The following VWC2L variants were observed in gnomAD, a reference collection of about 807,000 sequenced individuals.
The protein encoded by VWC2L is von Willebrand factor C domain-containing protein 2-like.
VWC2L carries 10 observed loss-of-function variants against 21.6 expected under a neutral mutation model. The observed-to-expected ratio is 0.46, with a 90% CI of 0.29 to 0.78. The LOEUF is 0.78. VWC2L is among the 30% of genes least tolerant of loss of function. VWC2L has a pLI of 0.10. For synonymous variants in VWC2L, 96 were observed against 94.3 expected (o/e 1.02, Z -0.10); for missense variants, 209 against 277.1 (o/e 0.75, Z 1.74).
intron 3 of VWC2L, among the ~76,000 whole-genome samples, chr2:214,442,104 GT>G (rs921354306): frequency 1.3e-5 from 2 of 151,972 alleles, no homozygotes; most frequent in African/African-American, 4.8e-5. Flanking sequence ...TAGAGACGGG[GT>G]TTCACTGTGT....
chr2:214,452,843 T>G (rs1157291436), intron 3 of VWC2L, among the ~76,000 whole-genome samples: 1 of 152,174 alleles, frequency 6.6e-6, no homozygotes, highest in African/African-American at 2.4e-5. Context: ...CTAGTGAGGA[T>G]TAGTCTCTTT....
At chr2:214,442,033 TCC>T (rs2126180863) in intron 3 of VWC2L, among the ~76,000 whole-genome samples, 1 of 152,024 alleles carries the variant, frequency 6.6e-6, no homozygotes, top group South Asian at 2.1e-4. Flanking sequence ...TGCCTCAGCC[TCC>T]CAAGTAGCTG....
chr2:214,568,281 G>C (rs577011150), intron 3 of VWC2L, among the ~76,000 whole-genome samples: 1 of 152,258 alleles, frequency 6.6e-6, no homozygotes, highest in African/African-American at 2.4e-5. Context: ...AAATGGTCCT[G>C]TTAATTTGTT....
At chr2:214,562,226 A>C (rs939823502) in intron 3 of VWC2L, among the ~76,000 whole-genome samples, 2 of 151,968 alleles carry the variant, frequency 1.3e-5, no homozygotes, top group South Asian at 2.1e-4. Context: ...TCCCACTTAT[A>C]AGTGAGAACA....
intron 3 of VWC2L, among the ~76,000 whole-genome samples, chr2:214,500,951 C>T (rs898012354): frequency 1.3e-5 from 2 of 152,166 alleles, no homozygotes; most frequent in Non-Finnish European, 2.9e-5. Context: ...AATTTCTAAT[C>T]TCATCAGGTT....
chr2:214,527,709 T>C (rs768768234), intron 3 of VWC2L, among the ~76,000 whole-genome samples: 7 of 152,190 alleles, frequency 4.6e-5, no homozygotes, highest in Non-Finnish European at 8.8e-5. Context: ...GACTCCTCTG[T>C]CTAAGGTAGC....
chr2:214,481,536 AC>A (rs1688603797), intron 3 of VWC2L, among the ~76,000 whole-genome samples: 1 of 152,260 alleles, frequency 6.6e-6, no homozygotes, highest in East Asian at 1.9e-4. Context: ...TGTCCAGTCA[AC>A]CCCCAGAACT....
intron 1 of VWC2L, among the ~76,000 whole-genome samples, 172 bp downstream of exon 1, chr2:214,411,958 G>A (rs1369364938): frequency 6.6e-6 from 1 of 151,546 alleles, no homozygotes; most frequent in African/African-American, 2.4e-5. Flanking sequence ...CATTACATTT[G>A]ATTTATCCCA....
At chr2:214,453,266 T>C (rs951808613) in intron 3 of VWC2L, among the ~76,000 whole-genome samples, 11 of 152,156 alleles carry the variant, frequency 7.2e-5, no homozygotes, top group African/African-American at 2.7e-4. Context: ...AAGAAACTGA[T>C]TGAAGGGTTT....
intron 3 of VWC2L, among the ~76,000 whole-genome samples, chr2:214,506,109 A>T (rs1688964332): frequency 6.6e-6 from 1 of 152,174 alleles, no homozygotes; most frequent in Non-Finnish European, 1.5e-5. Flanking sequence ...AATTTGAAAG[A>T]TATTATCTCA....
intron 3 of VWC2L, chr2:214,510,215 T>A (rs984412265): frequency 2.0e-5 from 3 of 152,364 alleles, no homozygotes; most frequent in Non-Finnish European, 4.4e-5. Flanking sequence ...GGGATCCAGA[T>A]GTAAGCTGAA....
chr2:214,447,359 G>A (rs1053235063), intron 3 of VWC2L, among the ~76,000 whole-genome samples: 1 of 152,096 alleles, frequency 6.6e-6, no homozygotes, highest in Non-Finnish European at 1.5e-5. Context: ...TCTCTCAGAG[G>A]TACCCAGAGA....
intron 3 of VWC2L, among the ~76,000 whole-genome samples, chr2:214,556,470 C>T (rs1474896595): frequency 6.6e-6 from 1 of 152,056 alleles, no homozygotes; most frequent in East Asian, 1.9e-4. Flanking sequence ...AAGAACTTTC[C>T]TATTTCATGA....
At chr2:214,414,610 A>G in intron 2 of VWC2L, 27 bp downstream of exon 2, 1 of 1,596,914 alleles carries the variant, frequency 6.3e-7, no homozygotes, top group Non-Finnish European at 8.5e-7. Flanking sequence ...ATATTTATTG[A>G]AATATCAACT....
At chr2:214,551,353 T>A (rs974375582) in intron 3 of VWC2L, among the ~76,000 whole-genome samples, 1 of 152,240 alleles carries the variant, frequency 6.6e-6, no homozygotes, top group Non-Finnish European at 1.5e-5. Flanking sequence ...CACCTTGAGC[T>A]GTAATAAATT....
intron 3 of VWC2L, among the ~76,000 whole-genome samples, chr2:214,484,795 CTTAAT>C (rs1688653720): frequency 6.6e-6 from 1 of 151,894 alleles, no homozygotes; most frequent in African/African-American, 2.4e-5. Context: ...TAATATTTTC[CTTAAT>C]TTAATTTGGC....
intron 2 of VWC2L, among the ~76,000 whole-genome samples, chr2:214,425,512 AGATT>A (rs1323264395): frequency 6.6e-6 from 1 of 152,210 alleles, no homozygotes; most frequent in African/African-American, 2.4e-5. Context: ...AAACAGATAA[AGATT>A]AATTTTTTAT....
intron 3 of VWC2L, among the ~76,000 whole-genome samples, chr2:214,549,112 C>T (rs1455731460): frequency 6.6e-6 from 1 of 152,188 alleles, no homozygotes; most frequent in Non-Finnish European, 1.5e-5. Flanking sequence ...CCCTCCAGCT[C>T]CTTGCTTTCT....
intron 3 of VWC2L, among the ~76,000 whole-genome samples, chr2:214,552,254 A>G (rs1359795488): frequency 6.6e-6 from 1 of 152,254 alleles, no homozygotes; most frequent in African/African-American, 2.4e-5. Context: ...CTTTAAAGAA[A>G]GAAAAATAGG....
Sources: gnomAD v4.1 joint callset for allele counts (sites outside exome capture counted in the v4.1 genomes callset) on GRCh38, gnomAD v4.1.1 for gene constraint, MANE v1.5 for transcripts, NCBI Gene and HGNC (gene_info 2026-07-23, HGNC 2026-07-21) for gene names.